Variants in SLC30A7 observed in about 807,000 individuals in gnomAD.
SLC30A7 encodes the protein solute carrier family 30 member 7, also known as zinc transporter 7.
SLC30A7 carries 35 observed loss-of-function variants against 46.0 expected under a neutral mutation model. The ratio of observed to expected loss-of-function variants is 0.76; its 90% CI spans 0.58 to 1.01. SLC30A7 has a LOEUF of 1.01. Among genes scored for constraint, SLC30A7 ranks in the 50% least tolerant of loss-of-function variants. The probability of loss-of-function intolerance (pLI) is 0.00; values close to 1 mark genes in which losing one functional copy is unlikely to be tolerated. For missense variants in SLC30A7, 464 were observed against 451.1 expected (o/e 1.03, Z -0.26); for synonymous variants, 147 against 157.8 (o/e 0.93, Z 0.51).
intron 8 of SLC30A7, among the ~76,000 whole-genome samples, chr1:100,955,817 T>C (rs1471269478): frequency 6.6e-6 from 1 of 152,142 alleles, no homozygotes; most frequent in Admixed American, 6.5e-5. Context: ...TAAATTATTA[T>C]AGAAATTGGC....
At chr1:100,969,137 A>T (rs886908593) in intron 10 of SLC30A7, among the ~76,000 whole-genome samples, 5 of 152,194 alleles carry the variant, frequency 3.3e-5, no homozygotes, top group African/African-American at 7.2e-5. Flanking sequence ...CCACTTATTT[A>T]TTTCAGAATT....
intron 8 of SLC30A7, among the ~76,000 whole-genome samples, chr1:100,956,654 A>G (rs553698955): frequency 6.6e-6 from 1 of 152,300 alleles, no homozygotes; most frequent in South Asian, 2.1e-4. Flanking sequence ...AAAACAATAA[A>G]TTTTTAAAAG....
At chr1:100,966,082 G>C (rs1655843768) in intron 10 of SLC30A7, among the ~76,000 whole-genome samples, 164 bp downstream of exon 10, 1 of 150,744 alleles carries the variant, frequency 6.6e-6, no homozygotes, top group Non-Finnish European at 1.5e-5. Context: ...CATAAAATCA[G>C]CTGGGCATGG....
chr1:100,915,961 C>T (rs1333006162), intron 6 of SLC30A7, among the ~76,000 whole-genome samples: 1 of 152,064 alleles, frequency 6.6e-6, no homozygotes, highest in East Asian at 1.9e-4. Context: ...TGGTAATAGA[C>T]ATCCTAACAG....
At chr1:100,915,789 T>C (rs1292251881) in intron 6 of SLC30A7, among the ~76,000 whole-genome samples, 1 of 152,218 alleles carries the variant, frequency 6.6e-6, no homozygotes, top group African/African-American at 2.4e-5. Flanking sequence ...CTCATGGATA[T>C]ATACCCAGTT....
At chr1:100,992,676 C>A in the SLC30A7 span, 2 of 1,613,792 alleles carry the variant, frequency 1.2e-6, no homozygotes, top group African/African-American at 1.3e-5. Flanking sequence ...TGAACAATCT[C>A]CAGAAGCTGC....
chr1:100,992,856 G>GT, the SLC30A7 span: 5 of 619,770 alleles, frequency 8.1e-6, no homozygotes, highest in Admixed American at 2.6e-5. Flanking sequence ...TCTGTTTGAT[G>GT]TTTTTTTACA....
At chr1:100,954,261 C>T (rs767124787) in intron 8 of SLC30A7, among the ~76,000 whole-genome samples, 2 of 151,956 alleles carry the variant, frequency 1.3e-5, no homozygotes, top group Admixed American at 6.6e-5. Flanking sequence ...AATGTCACAC[C>T]CAACTCTGCC....
At chr1:100,987,790 C>T in the SLC30A7 span, among the ~76,000 whole-genome samples, 10 of 151,676 alleles carry the variant, frequency 6.6e-5, no homozygotes, top group Admixed American at 5.3e-4. Flanking sequence ...TTATCATACT[C>T]TGAAGAGTGC....
chr1:100,956,219 T>G (rs1655211259), intron 8 of SLC30A7, among the ~76,000 whole-genome samples: 1 of 152,132 alleles, frequency 6.6e-6, no homozygotes, highest in South Asian at 2.1e-4. Flanking sequence ...TATCTACATA[T>G]TGTTCTTGAA....
intron 8 of SLC30A7, among the ~76,000 whole-genome samples, chr1:100,958,860 C>T (rs1017462026): frequency 6.6e-6 from 1 of 152,054 alleles, no homozygotes; most frequent in Non-Finnish European, 1.5e-5. Context: ...AATTATCACG[C>T]AATGTAGTAA....
rs530227887 is a variant in SLC30A7, at chr1:100,952,475, G to C, written c.843-9353G>C. ...TTCTTGCCTGCCTTTCTTAAAGGAA[G>C]GCTATTGGGAAGCAGACACCATCCA... On this transcript the variant is annotated intron_variant, in intron 8 of 10. Coordinates refer to ENST00000357650, the MANE Select transcript of SLC30A7 (RefSeq NM_133496.5). 1.3e-5 allele frequency among the ~76,000 whole-genome samples: 2 copies of C among 152,296 alleles called. 1 individual carries two copies. Among genetic ancestry groups the C allele is most frequent in the African/African-American group, 4.8e-5 (2 of 41,550 alleles).
At chr1:100,989,105 G>C in the SLC30A7 span, among the ~76,000 whole-genome samples, 1 of 152,046 alleles carries the variant, frequency 6.6e-6, no homozygotes, top group African/African-American at 2.4e-5. Flanking sequence ...TTTCTATTCA[G>C]AACTGAAACT....
intron 10 of SLC30A7, 33 bp downstream of exon 10, chr1:100,965,951 C>T (rs775942532): frequency 6.4e-7 from 1 of 1,563,674 alleles, no homozygotes; most frequent in Non-Finnish European, 8.7e-7. Flanking sequence ...TTTTAAGGGC[C>T]TTAACATTTT....
At chr1:100,898,934 A>G (rs941873139) in intron 2 of SLC30A7, among the ~76,000 whole-genome samples, 4 of 152,212 alleles carry the variant, frequency 2.6e-5, no homozygotes, top group African/African-American at 9.6e-5. Flanking sequence ...GAGGACTGAA[A>G]CGTGAATAAA....
intron 7 of SLC30A7, among the ~76,000 whole-genome samples, chr1:100,919,010 G>A (rs972175694): frequency 2.6e-5 from 4 of 152,144 alleles, no homozygotes; most frequent in Non-Finnish European, 5.9e-5. Flanking sequence ...GTAGGAGTAT[G>A]TTTGCTTTTA....
chr1:100,968,994 G>A (rs1000185023), intron 10 of SLC30A7, among the ~76,000 whole-genome samples: 2 of 152,132 alleles, frequency 1.3e-5, no homozygotes, highest in South Asian at 4.1e-4. Context: ...CTGTCTTTCT[G>A]ATAAAGAGAA....
intron 8 of SLC30A7, chr1:100,941,424 T>G: frequency 4.8e-6 from 2 of 414,000 alleles, no homozygotes; most frequent in Non-Finnish European, 9.3e-6. Context: ...ATCTCTTGAT[T>G]TGACACAGCT....
chr1:100,907,826 C>G (rs1487129896), intron 3 of SLC30A7, among the ~76,000 whole-genome samples: 3 of 151,946 alleles, frequency 2.0e-5, no homozygotes, highest in Non-Finnish European at 2.9e-5. Flanking sequence ...TCTCTCTTAT[C>G]TTCTCCTGAA....
Sources: allele counts gnomAD v4.1 joint callset (sites outside exome capture counted in the v4.1 genomes callset), GRCh38; gene constraint gnomAD v4.1.1; transcripts MANE v1.5; gene names NCBI Gene and HGNC (gene_info 2026-07-23, HGNC 2026-07-21).